Variants in ABCC11 observed in about 807,000 individuals in gnomAD.
ABCC11 encodes the protein ATP binding cassette subfamily C member 11, also known as ATP-binding cassette sub-family C member 11.
ABCC11 carries 135 observed loss-of-function variants against 149.3 expected under a neutral mutation model. That is an observed-to-expected ratio of 0.90 (90% CI 0.79 to 1.04). The LOEUF is 1.04. Among genes scored for constraint, ABCC11 ranks in the 50% least tolerant of loss-of-function variants. The pLI is 0.00. For synonymous variants in ABCC11, 665 were observed against 671.4 expected (o/e 0.99, Z 0.15); for missense variants, 1,680 against 1,722.1 (o/e 0.98, Z 0.43).
At chr16:48,197,892 G>A in intron 17 of ABCC11, 79 bp downstream of exon 17, 2 of 1,467,978 alleles carry the variant, frequency 1.4e-6, no homozygotes, top group Non-Finnish European at 1.9e-6. Flanking sequence ...CCAGTCTGGG[G>A]TCAAGGAGGA....
chr16:48,176,877 A>G, intron 25 of ABCC11, 47 bp downstream of exon 25: 1 of 1,584,724 alleles, frequency 6.3e-7, no homozygotes. Context: ...TAGTGCCCAA[A>G]GGGCAAAGGA....
chr16:48,189,524 T>G (rs16945920), intron 20 of ABCC11, among the ~76,000 whole-genome samples: 2,732 of 152,304 alleles, frequency 0.018, 86 homozygotes, highest in African/African-American at 0.063. Context: ...AATTTAAAGT[T>G]TAAAAAGCCA....
At chr16:48,183,084 G>C (rs1019464648) in intron 23 of ABCC11, among the ~76,000 whole-genome samples, 6 of 152,222 alleles carry the variant, frequency 3.9e-5, no homozygotes, top group Non-Finnish European at 8.8e-5. Flanking sequence ...GAGCATTTAA[G>C]TAACTTGGCC....
chr16:48,200,507 G>A (rs1193907364), intron 14 of ABCC11, 28 bp from the exon 15 acceptor site: 1 of 1,609,054 alleles, frequency 6.2e-7, no homozygotes, highest in Admixed American at 1.7e-5. Flanking sequence ...AAGGCACCAT[G>A]TCCAGACAGC....
intron 14 of ABCC11, among the ~76,000 whole-genome samples, chr16:48,201,281 T>C (rs1967946230): frequency 6.6e-6 from 1 of 152,054 alleles, no homozygotes; most frequent in Admixed American, 6.6e-5. Context: ...TCTGGTTTTA[T>C]TTATTTGGTT....
In ABCC11 at chr16:48,200,404, G is replaced by T. The variant is rs755522703; in HGVS notation, c.1954C>A (p.Arg652Ser). The T allele has an allele frequency of 6.2e-7, 1 of 1,614,232 alleles. No homozygotes were observed. The highest frequency in any genetic ancestry group is 8.5e-7 in the Non-Finnish European group (1 of 1,180,042). Reference protein sequence around the residue: ...ISLARAVYSDRQIYLLDDPLS... With the variant: ...ISLARAVYSDSQIYLLDDPLS... ...GGGTCGTCCAGCAGGTAGATCTGAC[G>T]GTCGGAATAGACGGCGCGGGCCAGG... is the stretch of plus-strand genomic sequence containing the variant. Residue 652 changes from arginine (R) to serine (S), a missense_variant, in exon 15 of 30, where the codon CGT becomes AGT. Physicochemically the swap from Arg to Ser is moderately radical, Grantham distance 110. Transcript: ENST00000356608.
At chr16:48,246,441 T>G (rs1418752211) in intron 1 of ABCC11, among the ~76,000 whole-genome samples, 1 of 152,246 alleles carries the variant, frequency 6.6e-6, no homozygotes, top group Admixed American at 6.5e-5. Flanking sequence ...CTTCATTTTC[T>G]TTCTACTGTG....
At position 48,214,996 on chromosome 16, in the gene ABCC11, T is replaced by C. The variant is rs760632907; in HGVS notation, c.1133A>G (p.Lys378Arg). 1.4e-5 allele frequency: 23 copies of C among 1,613,976 alleles called. No homozygotes were observed. The highest frequency in any genetic ancestry group is 1.8e-5 in the Non-Finnish European group (21 of 1,180,016). Residue 378 changes from lysine (K) to arginine (R), a missense_variant, in exon 9 of 30, where the codon AAG becomes AGG. By Grantham distance (26) the Lys-to-Arg change is conservative. Transcript: ENST00000356608. ...LRRKERKLLE[K>R]CGLVQSLTSI... ...TGTCAGGCTCTGGACAAGCCCGCAC[T>C]TCTCCAATAGTTTCCTTTCCTTCCT... is the stretch of plus-strand genomic sequence containing the variant.
Position 48,198,246 on chromosome 16 carries a change from C to T in ABCC11, c.2112G>A (p.Leu704=), listed in dbSNP as rs1368727745. Residue 704 remains leucine (L), a synonymous_variant, in exon 16 of 30, where the codon TTG becomes TTA. Coordinates refer to ENST00000356608, the MANE Select transcript of ABCC11 (RefSeq NM_001370497.1). The part of the protein sequence containing the change: ...QYLEFCGQII[L]LENGKICENG... Reference sequence around the variant, plus strand: ...TTTCACAGATTTTCCCATTTTCCAACAAAATGATCTGGCCACAAAATTCTA... The same window carrying T: ...TTTCACAGATTTTCCCATTTTCCAATAAAATGATCTGGCCACAAAATTCTA... The T allele has an allele frequency of 6.2e-7, 1 of 1,614,150 alleles. No individual in the cohort carries two copies. The highest frequency in any genetic ancestry group is 1.7e-5 in the Admixed American group (1 of 60,018).
chr16:48,202,596 C>T (rs192101867), intron 14 of ABCC11, among the ~76,000 whole-genome samples: 2 of 146,058 alleles, frequency 1.4e-5, no homozygotes, highest in East Asian at 4.0e-4. Flanking sequence ...GGGTGACAGA[C>T]AGAGAACAAG....
chr16:48,231,004 A>G (rs1040311537), intron 2 of ABCC11, among the ~76,000 whole-genome samples: 1 of 152,160 alleles, frequency 6.6e-6, no homozygotes, highest in Non-Finnish European at 1.5e-5. Flanking sequence ...AGGACTTCAT[A>G]TAGAATAAAT....
In ABCC11 at chr16:48,211,200, C is replaced by T. The variant is rs760544160; in HGVS notation, c.1357-1G>A. On this transcript the variant is annotated splice_acceptor_variant, in intron 10 of 29. Coordinates refer to ENST00000356608, the MANE Select transcript of ABCC11 (RefSeq NM_001370497.1). LOFTEE classifies it high-confidence loss of function. ...CAGGGCTCTCCTGGAGGAAAAACTTCTGTAAAGACAGAAAAAAATAGAGGG... is the reference window on the plus strand; with the variant it reads ...CAGGGCTCTCCTGGAGGAAAAACTTTTGTAAAGACAGAAAAAAATAGAGGG... The T allele has an allele frequency of 1.2e-6, 2 of 1,612,834 alleles. No homozygotes were observed. The highest frequency in any genetic ancestry group is 4.5e-5 in the East Asian group (2 of 44,874).
intron 1 of ABCC11, among the ~76,000 whole-genome samples, chr16:48,235,537 G>A (rs1462207057): frequency 2.6e-5 from 4 of 152,168 alleles, no homozygotes; most frequent in Non-Finnish European, 4.4e-5. Flanking sequence ...AAACGAGCTC[G>A]AGCTCAGCCA....
intron 5 of ABCC11, chr16:48,223,734 T>C (rs557718434): frequency 3.3e-5 from 5 of 152,620 alleles, no homozygotes; most frequent in African/African-American, 9.6e-5. Context: ...ATGAGACTCT[T>C]GGGCTGAGGA....
At chr16:48,200,190 G>T in intron 15 of ABCC11, 86 bp downstream of exon 15, 1 of 1,399,468 alleles carries the variant, frequency 7.1e-7, no homozygotes, top group Non-Finnish European at 9.9e-7. Flanking sequence ...CTGGGAGGCT[G>T]TTATTGAATC....
chr16:48,190,320 G>A (rs997495070), intron 20 of ABCC11, among the ~76,000 whole-genome samples: 1 of 151,964 alleles, frequency 6.6e-6, no homozygotes, highest in Non-Finnish European at 1.5e-5. Context: ...TGAGAGAGAG[G>A]AATGACATTT....
chr16:48,186,805 G>GTTC, intron 22 of ABCC11, 148 bp downstream of exon 22: 2 of 1,001,362 alleles, frequency 2.0e-6, no homozygotes, highest in Non-Finnish European at 2.9e-6. Context: ...GGTTCAGCAG[G>GTTC]TTCTGGAGGC....
Position 48,170,944 on chromosome 16 carries a change from C to A in ABCC11, c.3722G>T (p.Arg1241Leu), listed in dbSNP as rs535746029. ...ATCCCAGATCTGCTGGTCAGTGTGA[C>A]GGTCAAAGGGATCTAGGTTGAATCT... ...TIRFNLDPFD[R>L]HTDQQIWDAL... is the part of the protein sequence containing the mutation. The change falls in exon 27 of 30, where the codon CGT becomes CTT. Residue 1241 changes from arginine (R) to leucine (L), a missense_variant. Coordinates refer to ENST00000356608, the MANE Select transcript of ABCC11 (RefSeq NM_001370497.1). 3.2e-5 allele frequency: 51 copies of A among 1,613,776 alleles called. No individual in the cohort carries two copies. The South Asian group carries it at 3.5e-4, about 11-fold the overall frequency.
intron 4 of ABCC11, among the ~76,000 whole-genome samples, chr16:48,225,751 C>G (rs1458445528): frequency 1.3e-5 from 2 of 152,174 alleles, no homozygotes; most frequent in Non-Finnish European, 2.9e-5. Context: ...ATCAAGATCT[C>G]CAACACTGAT....
Sources: gnomAD v4.1 joint callset for allele counts (sites outside exome capture counted in the v4.1 genomes callset) on GRCh38, gnomAD v4.1.1 for gene constraint, MANE v1.5 for transcripts, NCBI Gene and HGNC (gene_info 2026-07-23, HGNC 2026-07-21) for gene names.